LRRC63: variants seen among roughly 807,000 people sequenced by gnomAD.
LRRC63 encodes the protein leucine rich repeat containing 63, also known as leucine-rich repeat-containing protein 63.
In LRRC63, 40 loss-of-function variants were observed where a neutral mutation model predicts 49.5. That is an observed-to-expected ratio of 0.81 (90% CI 0.63 to 1.05). LRRC63 has a LOEUF of 1.05. LRRC63 is among the 50% of genes least tolerant of loss of function. The pLI, the probability that LRRC63 is intolerant of heterozygous loss-of-function variation, is 0.00. For synonymous variants in LRRC63, 191 were observed against 221.1 expected (o/e 0.86, Z 1.21); for missense variants, 636 against 663.1 (o/e 0.96, Z 0.45).
At chr13:46,260,557 G>A (rs192497284) in intron 7 of LRRC63, among the ~76,000 whole-genome samples, 13 of 152,282 alleles carry the variant, frequency 8.5e-5, no homozygotes, top group African/African-American at 2.6e-4. Flanking sequence ...GGAGGCAGAC[G>A]TTTATTGCAC....
At chr13:46,234,338 C>G in exon 5 of LRRC63, 1 of 1,549,798 alleles carries the variant, frequency 6.5e-7, no homozygotes, top group South Asian at 1.2e-5. Context: ...GAGAAATGCA[C>G]TTAATCTGAA....
chr13:46,237,438 A>C (rs1045554060), intron 5 of LRRC63, among the ~76,000 whole-genome samples: 4 of 152,200 alleles, frequency 2.6e-5, no homozygotes, highest in African/African-American at 7.2e-5. Context: ...CATGGTGTAC[A>C]AGTTGTTAAT....
intron 5 of LRRC63, 114 bp from the exon 6 acceptor site, chr13:46,246,413 A>G (rs2047214377): frequency 4.3e-6 from 2 of 467,720 alleles, no homozygotes; most frequent in Non-Finnish European, 7.5e-6. Context: ...GCTTGTTAGT[A>G]TATTGTGTAA....
chr13:46,241,755 A>G (rs1242219070), intron 5 of LRRC63, among the ~76,000 whole-genome samples: 2 of 152,196 alleles, frequency 1.3e-5, no homozygotes, highest in Non-Finnish European at 2.9e-5. Flanking sequence ...ATGCAAATCA[A>G]AATCACAATA....
intron 9 of LRRC63, among the ~76,000 whole-genome samples, chr13:46,271,856 CT>C (rs1336278690): frequency 2.0e-5 from 3 of 151,882 alleles, no homozygotes; most frequent in Non-Finnish European, 4.4e-5. Context: ...TTCAATATCC[CT>C]GTTTTTAAAT....
chr13:46,261,273 TG>T (rs1327843397), intron 7 of LRRC63, among the ~76,000 whole-genome samples: 5 of 152,252 alleles, frequency 3.3e-5, no homozygotes, highest in African/African-American at 1.2e-4. Flanking sequence ...AACCTCAGAA[TG>T]TGACCTCATT....
intron 5 of LRRC63, among the ~76,000 whole-genome samples, chr13:46,242,303 G>A (rs572907426): frequency 2.5e-4 from 38 of 151,994 alleles, no homozygotes; most frequent in East Asian, 5.8e-4. Flanking sequence ...AATACACACC[G>A]GATCCTATTG....
At chr13:46,267,048 G>GC (rs543920208) in intron 9 of LRRC63, 76 bp downstream of exon 9, 15,368 of 1,348,326 alleles carry the variant, frequency 0.011, 116 homozygotes, top group Non-Finnish European at 0.013. Context: ...AGGCTTAGAT[G>GC]ACAGTGTCAC....
intron 2 of LRRC63, among the ~76,000 whole-genome samples, chr13:46,220,905 C>T (rs754564): frequency 0.41 from 62,653 of 151,726 alleles, 13,676 homozygotes; most frequent in East Asian, 0.55. Context: ...GGTGACGCCG[C>T]ACCCTGCTTT....
rs1288241155 is a variant in LRRC63 at position 46,250,560 on chromosome 13, C to T, written c.1226+69C>T. 9 of 1,296,270 alleles carry T rather than the reference C, an allele frequency of 6.9e-6. No homozygotes were observed. In the South Asian group the frequency reaches 1.1e-4, roughly 15 times the overall value. The allele number at this position is 1,296,270 out of a possible 1,614,324, so 80.3% of individuals were successfully genotyped here. ...TAATTTCGAAAAAGATCAATTTCCC[C>T]TTTCAAAGCAGCTAGCAGCTTTTTG... On this transcript the variant is annotated intron_variant, in intron 7 of 9. Coordinates refer to ENST00000595396, the Ensembl canonical transcript of LRRC63.
exon 3 of LRRC63, chr13:46,227,538 C>A: frequency 6.5e-7 from 1 of 1,534,946 alleles, no homozygotes; most frequent in East Asian, 2.5e-5. Context: ...TGAGTCACTA[C>A]ATGTAGCATT....
At chr13:46,222,889 G>T (rs2046447618) in intron 2 of LRRC63, among the ~76,000 whole-genome samples, 1 of 152,070 alleles carries the variant, frequency 6.6e-6, no homozygotes, top group South Asian at 2.1e-4. Context: ...CCTTAAAAAA[G>T]GATGAGTTCG....
At chr13:46,231,684 A>G (rs1411580981) in intron 4 of LRRC63, among the ~76,000 whole-genome samples, 1 of 146,664 alleles carries the variant, frequency 6.8e-6, no homozygotes, top group Non-Finnish European at 1.5e-5. Flanking sequence ...TAATTTTTGT[A>G]TTTTTCATAG....
intron 9 of LRRC63, chr13:46,270,223 A>G: frequency 1.2e-6 from 1 of 866,210 alleles, no homozygotes; most frequent in Admixed American, 1.7e-5. Flanking sequence ...GTGTCATCAC[A>G]TTGGCAGAAT....
At chr13:46,270,167 A>T in intron 9 of LRRC63, 1 of 744,674 alleles carries the variant, frequency 1.3e-6, no homozygotes, top group Non-Finnish European at 2.5e-6. Context: ...TGTCAAAGGA[A>T]GATCTTGTAA....
At chr13:46,259,477 C>T (rs1156621581) in intron 7 of LRRC63, among the ~76,000 whole-genome samples, 1 of 152,120 alleles carries the variant, frequency 6.6e-6, no homozygotes, top group Non-Finnish European at 1.5e-5. Context: ...GGAGTCAAAT[C>T]TTTGCCTTAC....
exon 5 of LRRC63, chr13:46,234,308 G>C (rs1238001515): frequency 6.5e-7 from 1 of 1,550,130 alleles, no homozygotes. Context: ...CCTGGCCATA[G>C]TAAACTGTCA....
intron 5 of LRRC63, among the ~76,000 whole-genome samples, chr13:46,237,141 A>C (rs563116668): frequency 7.9e-5 from 12 of 152,202 alleles, no homozygotes; most frequent in Non-Finnish European, 1.6e-4. Context: ...GGAATGAACA[A>C]AACCAACAAT....
At chr13:46,234,835 G>C (rs2046861722) in intron 5 of LRRC63, among the ~76,000 whole-genome samples, 1 of 152,118 alleles carries the variant, frequency 6.6e-6, no homozygotes, top group Admixed American at 6.5e-5. Context: ...AAAGTAACTT[G>C]TATAAGATCA....
Sources: gnomAD v4.1 joint callset for allele counts (sites outside exome capture counted in the v4.1 genomes callset) on GRCh38, gnomAD v4.1.1 for gene constraint, MANE v1.5 for transcripts, NCBI Gene and HGNC (gene_info 2026-07-23, HGNC 2026-07-21) for gene names.